Variants in STAM observed in about 807,000 individuals in gnomAD.
STAM encodes signal transducing adapter molecule 1.
A neutral mutation model predicts 63.4 loss-of-function variants in STAM; 16 were observed. The ratio of observed to expected loss-of-function variants is 0.25; its 90% CI spans 0.17 to 0.38. The LOEUF (loss-of-function observed/expected upper bound fraction) is 0.38. Ranked by LOEUF, STAM falls within the 10% of genes least tolerant of loss-of-function variation. The probability of loss-of-function intolerance (pLI) is 1.00; values close to 1 mark genes in which losing one functional copy is unlikely to be tolerated. For synonymous variants in STAM, 238 were observed against 223.9 expected, an observed-to-expected ratio of 1.06 and a Z score of -0.56; for missense variants, 636 against 657.1, an observed-to-expected ratio of 0.97 and a Z score of 0.35.
At chr10:17,673,813 G>A (rs1419690772) in intron 2 of STAM, among the ~76,000 whole-genome samples, 1 of 152,234 alleles carries the variant, frequency 6.6e-6, no homozygotes, top group Non-Finnish European at 1.5e-5. Flanking sequence ...CACTCCCTAA[G>A]CGTTAACTAT....
In STAM at chr10:17,644,362, C is replaced by A. The variant is rs782196229; in HGVS notation, c.23C>A (p.Pro8His). The change falls in exon 1 of 14, where the codon CCC (proline) becomes CAC (histidine). Residue 8 changes from proline (P) to histidine (H), a missense_variant. Physicochemically the swap from Pro to His is moderately conservative, Grantham distance 77 (BLOSUM62 -2). Around this residue, in one of 3 missense-constraint regions of STAM, gnomAD observed 87 missense variants for 80.3 expected, o/e 1.08. Transcript: ENST00000377524. ...GAGATGCCTCTTTTTGCCACCAATCCCTTCGATCAGGATGTTGGTAAGTGT... is the reference window on the plus strand; with the variant it reads ...GAGATGCCTCTTTTTGCCACCAATCACTTCGATCAGGATGTTGGTAAGTGT... Reference protein sequence around the residue: MPLFATNPFDQDVEKATS... With the variant: MPLFATNHFDQDVEKATS... 3.4e-5 allele frequency: 55 copies of A among 1,614,162 alleles called. No individual in the cohort carries two copies. In the South Asian group the frequency reaches 5.9e-4, roughly 17 times the overall value.
In STAM at chr10:17,714,604, C is replaced by T. The variant is rs782368686; in HGVS notation, c.1447C>T (p.Pro483Ser). The change falls in exon 14 of 14, where the codon CCT becomes TCT. Residue 483 changes from proline (P) to serine (S), a missense_variant. Physicochemically the swap from Pro to Ser is moderately conservative, Grantham distance 74 (BLOSUM62 -1). Coordinates refer to ENST00000377524, the MANE Select transcript of STAM (RefSeq NM_003473.4). ...CAGCCAGGCGCCAGTATATAGTCCT[C>T]CTCCTGCCGCTACTGCTGCTGCTGC... ...YPSQAPVYSPPPAATAAAATA... is the reference protein window; with the variant it reads ...YPSQAPVYSPSPAATAAAATA... 2.5e-6 allele frequency: 4 copies of T among 1,614,082 alleles called. No homozygotes were observed. The highest frequency in any genetic ancestry group is 2.2e-5 in the East Asian group (1 of 44,892).
In STAM at chr10:17,656,563, C is replaced by T. The variant is rs116772712; in HGVS notation, c.41-3901C>T. Reference sequence around the variant, plus strand: ...AGTCTTCTGATTTCTTGGAGGGTAACGGTACAAATGTTGAATCAGCCTTGC... The same window carrying T: ...AGTCTTCTGATTTCTTGGAGGGTAATGGTACAAATGTTGAATCAGCCTTGC... On this transcript the variant is annotated intron_variant, in intron 1 of 13. Transcript: ENST00000377524. Among the ~76,000 whole-genome samples the T allele has an allele frequency of 9.1e-3, 1,392 of 152,180 alleles. 19 individuals are homozygous for T. Among genetic ancestry groups the T allele is most frequent in the African/African-American group, 0.032 (1,310 of 41,484 alleles).
intron 2 of STAM, among the ~76,000 whole-genome samples, chr10:17,680,326 A>G (rs1467444292): frequency 1.3e-5 from 2 of 152,076 alleles, no homozygotes; most frequent in African/African-American, 4.8e-5. Context: ...CTGTATACCC[A>G]TTAAACAATT....
At position 17,704,997 on chromosome 10, in the gene STAM, T is replaced by C. The variant is rs148262001; in HGVS notation, c.1028T>C (p.Ile343Thr). Residue 343 changes from isoleucine (I) to threonine (T), a missense_variant, in exon 11 of 14, where the codon ATT becomes ACT. This residue lies in a region of STAM where 532 missense variants were observed against 536.9 expected (regional missense o/e 0.99). Coordinates refer to ENST00000377524, the MANE Select transcript of STAM (RefSeq NM_003473.4). Reference sequence around the variant, plus strand: ...ATGTGTCACCAGATGGGACCTCTCATTGATGAAAAGCTGGAAGATATTGAT... The same window carrying C: ...ATGTGTCACCAGATGGGACCTCTCACTGATGAAAAGCTGGAAGATATTGAT... ...EAMCHQMGPL[I>T]DEKLEDIDRK... 2.5e-6 allele frequency: 4 copies of C among 1,613,368 alleles called. No homozygotes were observed. The highest frequency in any genetic ancestry group is 3.4e-6 in the Non-Finnish European group (4 of 1,179,686).
intron 5 of STAM, among the ~76,000 whole-genome samples, chr10:17,689,043 T>A (rs1216030541): frequency 6.6e-6 from 1 of 152,198 alleles, no homozygotes; most frequent in Non-Finnish European, 1.5e-5. Flanking sequence ...CTTTCCCCAG[T>A]GGATATGGCT....
At chr10:17,697,175 C>A (rs190209500) in intron 8 of STAM, among the ~76,000 whole-genome samples, 2 of 152,154 alleles carry the variant, frequency 1.3e-5, no homozygotes, top group African/African-American at 4.8e-5. Flanking sequence ...GTGATCCACC[C>A]GCCTCAGTCT....
chr10:17,666,387 ATTT>A (rs10673746), intron 2 of STAM, among the ~76,000 whole-genome samples: 4 of 85,920 alleles, frequency 4.7e-5, no homozygotes, highest in African/African-American at 1.0e-4. Context: ...TTGGCTTTGT[ATTT>A]TTTTTTTTTT....
chr10:17,657,343 C>A (rs571529815), intron 1 of STAM, among the ~76,000 whole-genome samples: 2 of 152,124 alleles, frequency 1.3e-5, no homozygotes, highest in African/African-American at 2.4e-5. Flanking sequence ...CCCTCTCCTG[C>A]CCTGCTCGTA....
At chr10:17,653,867 C>T (rs575260775) in intron 1 of STAM, among the ~76,000 whole-genome samples, 20 of 152,280 alleles carry the variant, frequency 1.3e-4, no homozygotes, top group South Asian at 2.1e-4. Flanking sequence ...GAGACAACTG[C>T]GTATCTCTAT....
intron 8 of STAM, among the ~76,000 whole-genome samples, chr10:17,698,615 T>G (rs1018283731): frequency 6.6e-6 from 1 of 152,056 alleles, no homozygotes; most frequent in Non-Finnish European, 1.5e-5. Flanking sequence ...TTTGAGGAAA[T>G]AGAAGTCTAT....
In STAM at chr10:17,708,893, G is replaced by A. The variant is rs782429739; in HGVS notation, c.1327G>A (p.Val443Ile). Reference protein sequence around the residue: ...EQLSSLSQAVVPPSANPALPS... With the variant: ...EQLSSLSQAVIPPSANPALPS... ...GCTGTCTTCTCTCAGCCAGGCAGTG[G>A]TCCCACCATCCGCAAACCCAGCCCT... The change falls in exon 13 of 14, where the codon GTC (valine) becomes ATC (isoleucine). Residue 443 changes from valine to isoleucine, a missense_variant. Transcript: ENST00000377524. The A allele has an allele frequency of 1.9e-6, 3 of 1,614,040 alleles. No individual in the cohort carries two copies. Among genetic ancestry groups the A allele is most frequent in the Non-Finnish European group, 2.5e-6 (3 of 1,180,034 alleles).
chr10:17,704,562 G>C, intron 10 of STAM, 44 bp downstream of exon 10: 1 of 1,462,756 alleles, frequency 6.8e-7, no homozygotes, highest in Admixed American at 1.7e-5. Flanking sequence ...GTAGTTAGAG[G>C]TTAATAACTG....
chr10:17,709,029 A>C, intron 13 of STAM, 78 bp downstream of exon 13: 1 of 1,490,148 alleles, frequency 6.7e-7, no homozygotes, highest in Non-Finnish European at 9.1e-7. Context: ...TATAACTATA[A>C]AATCTGGCTA....
intron 1 of STAM, among the ~76,000 whole-genome samples, chr10:17,653,285 G>A (rs782007775): frequency 1.7e-4 from 26 of 152,158 alleles, no homozygotes; most frequent in East Asian, 1.9e-4. Flanking sequence ...CGAATATTCC[G>A]CGATAAAAAC....
Position 17,699,213 on chromosome 10 carries a change from A to G in STAM, c.824-978A>G, listed in dbSNP as rs557095627. On this transcript the variant is annotated intron_variant, in intron 8 of 13. Transcript: ENST00000377524. ...GTTTTTAATCTTTCCAAACTACCTT[A>G]TTTATAAAAAGGGCATATCTCATAA... Among the ~76,000 whole-genome samples the G allele has an allele frequency of 1.9e-3, 287 of 152,302 alleles. 2 individuals carry two copies. Among genetic ancestry groups the G allele is most frequent in the African/African-American group, 6.6e-3 (276 of 41,566 alleles).
intron 5 of STAM, among the ~76,000 whole-genome samples, chr10:17,690,024 T>A (rs1028929331): frequency 6.6e-6 from 1 of 152,352 alleles, no homozygotes; most frequent in South Asian, 2.1e-4. Context: ...CCTTGTTTGG[T>A]TAATCTAGAA....
chr10:17,649,685 C>T (rs1833660337), intron 1 of STAM, among the ~76,000 whole-genome samples: 1 of 152,048 alleles, frequency 6.6e-6, no homozygotes, highest in Non-Finnish European at 1.5e-5. Flanking sequence ...TCTTTTTTCC[C>T]TCCAAAACAA....
chr10:17,708,428 C>T (rs1836396434), intron 12 of STAM, among the ~76,000 whole-genome samples: 1 of 152,140 alleles, frequency 6.6e-6, no homozygotes, highest in African/African-American at 2.4e-5. Flanking sequence ...AGTTCAAATA[C>T]ACTTTCTAAA....
Sources: allele counts gnomAD v4.1 joint callset (sites outside exome capture counted in the v4.1 genomes callset), GRCh38; gene constraint gnomAD v4.1.1; regional missense constraint gnomAD v4.1.1; transcripts MANE v1.5; gene names NCBI Gene and HGNC (gene_info 2026-07-23, HGNC 2026-07-21).